The following MDM1 variants were observed in gnomAD, a reference collection of about 807,000 sequenced individuals.
The protein encoded by MDM1 is stabilizer of axonemal microtubules 6, also known as Mdm1 nuclear protein.
MDM1 carries 61 observed loss-of-function variants against 89.1 expected under a neutral mutation model. The ratio of observed to expected loss-of-function variants is 0.68; its 90% CI spans 0.56 to 0.85. The LOEUF (loss-of-function observed/expected upper bound fraction) is 0.85. Among genes scored for constraint, MDM1 ranks in the 40% least tolerant of loss-of-function variants. The pLI is 0.00. For missense variants in MDM1, 820 were observed against 846.5 expected (o/e 0.97, Z 0.39); for synonymous variants, 290 against 294.1 (o/e 0.99, Z 0.14).
At chr12:68,315,988 T>C in intron 9 of MDM1, 90 bp downstream of exon 9, 2 of 1,068,698 alleles carry the variant, frequency 1.9e-6, no homozygotes, top group East Asian at 5.4e-5. Context: ...AGGAGACACA[T>C]TTTGAGTAGT....
intron 13 of MDM1, among the ~76,000 whole-genome samples, chr12:68,299,200 C>T (rs761226003): frequency 6.6e-6 from 1 of 151,428 alleles, no homozygotes; most frequent in Non-Finnish European, 1.5e-5. Flanking sequence ...AAGAAGGAAC[C>T]AGAAAGTAAT....
chr12:68,302,418 A>G (rs976354854), intron 13 of MDM1, among the ~76,000 whole-genome samples: 10 of 152,236 alleles, frequency 6.6e-5, no homozygotes, highest in Non-Finnish European at 1.5e-4. Context: ...TATCTCACAC[A>G]TATATAACAG....
chr12:68,332,238 A>C lies in MDM1; in HGVS notation c.8T>G (p.Val3Gly). Residue 3 changes from valine to glycine, a missense_variant, in exon 1 of 15, where the codon GTG (valine) becomes GGG (glycine). Coordinates refer to ENST00000682720, the MANE Select transcript of MDM1 (RefSeq NM_001354969.2). MP[V>G]RFKGLSEYQR... Reference sequence around the variant, plus strand: ...GGACCCCAGCCTCACCTTGAAGCGCACCGGCATGTCGCCCGGCGCCGGAGC... The same window carrying C: ...GGACCCCAGCCTCACCTTGAAGCGCCCCGGCATGTCGCCCGGCGCCGGAGC... The C allele has an allele frequency of 6.3e-7, 1 of 1,582,310 alleles. No homozygotes were observed. Among genetic ancestry groups the C allele is most frequent in the Non-Finnish European group, 8.6e-7 (1 of 1,165,124 alleles).
intron 14 of MDM1, among the ~76,000 whole-genome samples, chr12:68,295,651 A>G (rs934884401): frequency 3.1e-4 from 47 of 152,206 alleles, no homozygotes; most frequent in African/African-American, 1.1e-3. Context: ...CACACGGCCT[A>G]TGATTTCAGT....
rs547214780 is a variant in MDM1 at position 68,332,289 on chromosome 12, A to G, written c.-44T>C. The stretch of plus-strand genomic sequence containing the variant: ...CCCCGCTACTCCGACAGTTAACTGG[A>G]GAAAAAGCTCCGAGGGGGCGGGGCG... On this transcript the variant is annotated 5_prime_UTR_variant, in exon 1 of 15. Transcript: ENST00000682720. The G allele has an allele frequency of 7.7e-6, 12 of 1,566,808 alleles. No homozygotes were observed. The African/African-American group carries it at 8.2e-5, about 11-fold the overall frequency.
Position 68,326,725 on chromosome 12 carries a change from T to A in MDM1, c.430A>T (p.Thr144Ser). Residue 144 changes from threonine to serine, a missense_variant, in exon 3 of 15, where the codon ACA becomes TCA. Physicochemically the swap from Thr to Ser is moderately conservative, Grantham distance 58. Coordinates refer to ENST00000682720, the MANE Select transcript of MDM1 (RefSeq NM_001354969.2). The stretch of plus-strand genomic sequence containing the variant: ...AGTTCCACATTTTCATTAACTGGTG[T>A]ATGGTTTGTTACACCCTCATTATTT... ...VENNEGVTNHTPVNENVELEH... is the reference protein window; with the variant it reads ...VENNEGVTNHSPVNENVELEH... 1 of 1,614,188 alleles carries A rather than the reference T, an allele frequency of 6.2e-7. No individual in the cohort carries two copies. The highest frequency in any genetic ancestry group is 8.5e-7 in the Non-Finnish European group (1 of 1,180,014).
intron 12 of MDM1, among the ~76,000 whole-genome samples, chr12:68,305,918 CAAA>C (rs201926650): frequency 5.2e-5 from 2 of 38,214 alleles, no homozygotes; most frequent in Admixed American, 2.9e-4. Flanking sequence ...CATAAGGAAG[CAAA>C]AAAAAAAAAA....
At chr12:68,327,309 C>T in intron 2 of MDM1, 1 of 1,427,086 alleles carries the variant, frequency 7.0e-7, no homozygotes, top group African/African-American at 1.4e-5. Flanking sequence ...ACTAGAATTG[C>T]AACGTGATAG....
intron 1 of MDM1, 70 bp downstream of exon 1, chr12:68,332,158 C>G: frequency 1.3e-6 from 2 of 1,504,532 alleles, no homozygotes; most frequent in Middle Eastern, 1.8e-4. Flanking sequence ...GCAGCGTGAC[C>G]TCGGCGCTCC....
At chr12:68,298,165 C>T (rs138084937) in intron 13 of MDM1, among the ~76,000 whole-genome samples, 14 of 152,284 alleles carry the variant, frequency 9.2e-5, no homozygotes, top group African/African-American at 1.2e-4. Flanking sequence ...GGTAGAATAA[C>T]GCTGTGCCCA....
At position 68,302,839 on chromosome 12, in the gene MDM1, G is replaced by A. The variant is rs778966288; in HGVS notation, c.1783C>T (p.Pro595Ser). The change falls in exon 13 of 15, where the codon CCA (proline) becomes TCA (serine). Residue 595 changes from proline to serine, a missense_variant. Transcript: ENST00000682720. ...TCAACTGTTTTTATACCAGCAGCTG[G>A]AGAAGTCAGTAGGGATACAGCACGA... ...ESRAVSLLTSPAAGIKTVDPL... is the reference protein window; with the variant it reads ...ESRAVSLLTSSAAGIKTVDPL... 2 of 1,592,392 alleles carry A rather than the reference G, an allele frequency of 1.3e-6. No homozygotes were observed. Among genetic ancestry groups the A allele is most frequent in the Admixed American group, 1.7e-5 (1 of 57,894 alleles).
At chr12:68,331,286 G>T in intron 1 of MDM1, 65 bp from the exon 2 acceptor site, 1 of 942,272 alleles carries the variant, frequency 1.1e-6, no homozygotes, top group Non-Finnish European at 1.7e-6. Context: ...AGCAGACATC[G>T]GTGAAAAATA....
At chr12:68,313,402 T>C (rs1282724231) in intron 12 of MDM1, 41 bp downstream of exon 12, 8 of 1,322,800 alleles carry the variant, frequency 6.0e-6, no homozygotes, top group Non-Finnish European at 7.6e-6. Context: ...CTACAATAAT[T>C]AGTCCTAGAT....
At position 68,310,927 on chromosome 12, in the gene MDM1, C is replaced by T. The variant is rs531517229; in HGVS notation, c.1749+2516G>A. On this transcript the variant is annotated intron_variant, in intron 12 of 14. Transcript: ENST00000682720. Reference sequence around the variant, plus strand: ...GTCATTACTGGTAACTGCAACCTCTCCATAACCTAAATTTCTGACCACCAT... The same window carrying T: ...GTCATTACTGGTAACTGCAACCTCTTCATAACCTAAATTTCTGACCACCAT... Among the ~76,000 whole-genome samples, 135 of 152,284 alleles carry T rather than the reference C, an allele frequency of 8.9e-4. 1 individual carries two copies. Among genetic ancestry groups the T allele is most frequent in the African/African-American group, 3.0e-3 (126 of 41,552 alleles).
At chr12:68,313,597 G>A (rs1874008631) in intron 11 of MDM1, 45 bp from the exon 12 acceptor site, 3 of 1,606,658 alleles carry the variant, frequency 1.9e-6, no homozygotes, top group Non-Finnish European at 2.6e-6. Flanking sequence ...AAATTAACAT[G>A]TAGAAAAAGC....
At chr12:68,302,088 T>C (rs537365999) in intron 13 of MDM1, among the ~76,000 whole-genome samples, 1 of 152,146 alleles carries the variant, frequency 6.6e-6, no homozygotes, top group African/African-American at 2.4e-5. Context: ...AAAATAATAC[T>C]CTCTCAGAGG....
Position 68,316,126 on chromosome 12 carries a change from C to T in MDM1, c.1163G>A (p.Ser388Asn), listed in dbSNP as rs145609820. ...NCCWDVSSTT[S>N]SEGTVSSNIR... Reference sequence around the variant, plus strand: ...GTTGCTACTAACGGTTCCTTCTGAGCTTGTGGTTGAGGAGACATCCCAACA... The same window carrying T: ...GTTGCTACTAACGGTTCCTTCTGAGTTTGTGGTTGAGGAGACATCCCAACA... Residue 388 changes from serine (S) to asparagine (N), a missense_variant, in exon 9 of 15, where the codon AGC (serine) becomes AAC (asparagine). By Grantham distance (46) the Ser-to-Asn change is conservative (BLOSUM62 1). Transcript: ENST00000682720. 14 of 1,613,928 alleles carry T rather than the reference C, an allele frequency of 8.7e-6. No individual in the cohort carries two copies. The South Asian group carries it at 1.3e-4, about 15-fold the overall frequency.
chr12:68,309,833 A>G (rs1873441661), intron 12 of MDM1, among the ~76,000 whole-genome samples: 1 of 152,216 alleles, frequency 6.6e-6, no homozygotes, highest in South Asian at 2.1e-4. Flanking sequence ...CCTACCAGTA[A>G]CCAAGGGGTA....
chr12:68,302,395 A>G (rs1872286912), intron 13 of MDM1, among the ~76,000 whole-genome samples: 1 of 152,224 alleles, frequency 6.6e-6, no homozygotes, highest in African/African-American at 2.4e-5. Flanking sequence ...TGTATGAATA[A>G]GAACTTGAGA....
Sources: allele counts gnomAD v4.1 joint callset (sites outside exome capture counted in the v4.1 genomes callset), GRCh38; gene constraint gnomAD v4.1.1; transcripts MANE v1.5; gene names NCBI Gene and HGNC (gene_info 2026-07-23, HGNC 2026-07-21).